Variants in GARRE1 observed in about 807,000 individuals in gnomAD.
GARRE1 encodes the protein granule associated Rac and RHOG effector protein 1.
Under a neutral mutation model 103.2 loss-of-function variants are expected in GARRE1, and 49 were observed. The observed-to-expected ratio is 0.47, with a 90% CI of 0.38 to 0.60. The LOEUF (loss-of-function observed/expected upper bound fraction) is 0.60. Ranked by LOEUF, GARRE1 falls within the 20% of genes least tolerant of loss-of-function variation. The pLI, the probability that GARRE1 is intolerant of heterozygous loss-of-function variation, is 0.00. For missense variants in GARRE1, 1,199 were observed against 1,370.5 expected, an observed-to-expected ratio of 0.87 and a Z score of 1.98; for synonymous variants, 505 against 532.8, an observed-to-expected ratio of 0.95 and a Z score of 0.72.
intron 1 of GARRE1, among the ~76,000 whole-genome samples, chr19:34,256,065 C>T (rs1362809680): frequency 6.6e-6 from 1 of 151,940 alleles, no homozygotes; most frequent in Non-Finnish European, 1.5e-5. Flanking sequence ...TCTCGAACTC[C>T]TGACCTCAGG....
At chr19:34,288,344 C>T (rs145395752) in intron 1 of GARRE1, among the ~76,000 whole-genome samples, 1,747 of 152,276 alleles carry the variant, frequency 0.011, 13 homozygotes, top group Non-Finnish European at 0.017. Flanking sequence ...GAAACTGTGA[C>T]TCTTCCCCCA....
chr19:34,255,590 A>G (rs2073666860), intron 1 of GARRE1, among the ~76,000 whole-genome samples: 1 of 152,006 alleles, frequency 6.6e-6, no homozygotes, highest in Non-Finnish European at 1.5e-5. Context: ...ACAGTATGTG[A>G]TTTAACCACC....
chr19:34,275,557 TA>T (rs1420275165), intron 1 of GARRE1, among the ~76,000 whole-genome samples: 2 of 152,242 alleles, frequency 1.3e-5, no homozygotes, highest in Non-Finnish European at 2.9e-5. Context: ...ATCAGTACTT[TA>T]TTCCTTTTCA....
In GARRE1 at chr19:34,352,926, C is replaced by T. The variant is rs530232322; in HGVS notation, c.3184C>T (p.Arg1062Cys). The change falls in exon 14 of 14, where the codon CGC (arginine) becomes TGC (cysteine). Residue 1062 changes from arginine (R) to cysteine (C), a missense_variant. Physicochemically the swap from Arg to Cys is radical, Grantham distance 180. Transcript: ENST00000299505. ...GFKAFPGKGERRPAYLPQY is the reference protein window; with the variant it reads ...GFKAFPGKGECRPAYLPQY Reference sequence around the variant, plus strand: ...CAAGGCCTTCCCTGGGAAGGGTGAGCGCAGGCCAGCCTATCTGCCCCAGTA... The same window carrying T: ...CAAGGCCTTCCCTGGGAAGGGTGAGTGCAGGCCAGCCTATCTGCCCCAGTA... 3.1e-5 allele frequency: 48 copies of T among 1,558,622 alleles called. No homozygotes were observed. The highest frequency in any genetic ancestry group is 2.1e-4 in the Middle Eastern group (1 of 4,678).
intron 1 of GARRE1, among the ~76,000 whole-genome samples, chr19:34,270,141 C>G (rs531834473): frequency 1.3e-5 from 2 of 152,294 alleles, no homozygotes; most frequent in South Asian, 2.1e-4. Flanking sequence ...CTATTTTTAC[C>G]GCAGTTGCAC....
rs75603161 is a variant in GARRE1, at chr19:34,273,440, A to G, written c.-796+18826A>G. 2.1e-4 allele frequency among the ~76,000 whole-genome samples: 32 copies of G among 152,306 alleles called. No homozygotes were observed. The East Asian group carries it at 6.2e-3, about 29-fold the overall frequency. ...AAGCAGAACCTTATTTCTAGCATCT[A>G]ACTACTGCCTCCGTGGTTGGCAAGG... On this transcript the variant is annotated intron_variant, in intron 1 of 13. Coordinates refer to ENST00000299505, the MANE Select transcript of GARRE1 (RefSeq NM_014686.5).
chr19:34,347,214 G>A (rs958622097), intron 10 of GARRE1, among the ~76,000 whole-genome samples: 3 of 151,792 alleles, frequency 2.0e-5, no homozygotes, highest in African/African-American at 4.8e-5. Context: ...TCAGCTTCCC[G>A]AGTAGCTGGG....
chr19:34,319,729 G>A (rs770168977), intron 2 of GARRE1, among the ~76,000 whole-genome samples, 178 bp from the exon 3 acceptor site: 3 of 152,108 alleles, frequency 2.0e-5, no homozygotes, highest in Non-Finnish European at 2.9e-5. Context: ...ATCAGTCACC[G>A]AGGTCCAAAC....
At position 34,292,721 on chromosome 19, in the gene GARRE1, T is replaced by C. The variant is rs1239348827; in HGVS notation, c.-795-6958T>C. On this transcript the variant is annotated intron_variant, in intron 1 of 13. Transcript: ENST00000299505. ...TCCTGAATAGTTGGGATTACAGGCA[T>C]GTGCCACCACACCCAGCTAAATTTT... Among the ~76,000 whole-genome samples the C allele has an allele frequency of 3.3e-5, 5 of 150,454 alleles. No individual in the cohort carries two copies. In the East Asian group the frequency reaches 9.7e-4, roughly 29 times the overall value.
At chr19:34,339,797 T>G in intron 8 of GARRE1, 70 bp from the exon 9 acceptor site, 2 of 1,598,886 alleles carry the variant, frequency 1.3e-6, no homozygotes, top group African/African-American at 2.7e-5. Flanking sequence ...TAGCCTTTTC[T>G]ATGAGACCTG....
intron 1 of GARRE1, among the ~76,000 whole-genome samples, chr19:34,297,676 A>G (rs574910522): frequency 6.6e-5 from 10 of 152,300 alleles, no homozygotes; most frequent in African/African-American, 9.6e-5. Context: ...ATTCCTGTAG[A>G]GTGCTTCTGT....
At position 34,268,540 on chromosome 19, in the gene GARRE1, C is replaced by T. The variant is rs540758760; in HGVS notation, c.-796+13926C>T. Among the ~76,000 whole-genome samples, 20 of 152,178 alleles carry T rather than the reference C, an allele frequency of 1.3e-4. No homozygotes were observed. In the South Asian group the frequency reaches 3.9e-3, roughly 30 times the overall value. On this transcript the variant is annotated intron_variant, in intron 1 of 13. Transcript: ENST00000299505. The stretch of plus-strand genomic sequence containing the variant: ...TTTTGACTTCATAAGAAGACTAAAA[C>T]AACAGTCTTAGAGTACAGTTAAGTC...
Position 34,351,498 on chromosome 19 carries a change from C to G in GARRE1, c.2826-16C>G. The G allele has an allele frequency of 4.4e-6, 7 of 1,608,748 alleles. No homozygotes were observed. The highest frequency in any genetic ancestry group is 6.0e-6 in the Non-Finnish European group (7 of 1,175,248). On this transcript the variant is annotated splice_polypyrimidine_tract_variant and intron_variant, in intron 12 of 13. Transcript: ENST00000299505. Reference sequence around the variant, plus strand: ...GAAGCCAAGCAATCACTGCCCTGAGCTCTTGGTTCTTGCAGGAAACACAGC... The same window carrying G: ...GAAGCCAAGCAATCACTGCCCTGAGGTCTTGGTTCTTGCAGGAAACACAGC...
Position 34,302,900 on chromosome 19 carries a change from A to T in GARRE1, c.495+1932A>T, listed in dbSNP as rs138979164. ...GCTGGGACTACAGGCTCACGCAGCC[A>T]TACCCAGCTAATTTTTTGTATTTTA... On this transcript the variant is annotated intron_variant, in intron 2 of 13. Coordinates refer to ENST00000299505, the MANE Select transcript of GARRE1 (RefSeq NM_014686.5). Among the ~76,000 whole-genome samples the T allele has an allele frequency of 1.1e-3, 164 of 152,100 alleles. 1 individual carries two copies. Among genetic ancestry groups the T allele is most frequent in the Non-Finnish European group, 2.0e-3 (135 of 67,982 alleles).
chr19:34,271,884 T>C (rs1490885972), intron 1 of GARRE1, among the ~76,000 whole-genome samples: 1 of 151,980 alleles, frequency 6.6e-6, no homozygotes, highest in Non-Finnish European at 1.5e-5. Flanking sequence ...TTTGGCAGGC[T>C]GGCTTCTTGT....
chr19:34,343,401 C>CG (rs1478928002), intron 10 of GARRE1, among the ~76,000 whole-genome samples: 3 of 152,074 alleles, frequency 2.0e-5, no homozygotes, highest in Non-Finnish European at 4.4e-5. Context: ...CATGCCACTA[C>CG]ACCCCAGCCT....
chr19:34,287,329 G>GT (rs1001545703), intron 1 of GARRE1, among the ~76,000 whole-genome samples: 4 of 151,872 alleles, frequency 2.6e-5, no homozygotes, highest in African/African-American at 9.7e-5. Context: ...TTTTTTTGTT[G>GT]TTGTTTGTTT....
At position 34,328,165 on chromosome 19, in the gene GARRE1, G is replaced by C; in HGVS notation, c.1104+14G>C. On this transcript the variant is annotated intron_variant, in intron 6 of 13. Coordinates refer to ENST00000299505, the MANE Select transcript of GARRE1 (RefSeq NM_014686.5). ...AAACTTAAGACGGTAGCTTTCCATGGGGTTCCAGCAAATGAGTGTGAACTT... is the reference window on the plus strand; with the variant it reads ...AAACTTAAGACGGTAGCTTTCCATGCGGTTCCAGCAAATGAGTGTGAACTT... 1.2e-6 allele frequency: 2 copies of C among 1,612,032 alleles called. No individual in the cohort carries two copies. The highest frequency in any genetic ancestry group is 1.1e-5 in the South Asian group (1 of 91,044).
At chr19:34,338,769 AG>A (rs1480932985) in intron 8 of GARRE1, among the ~76,000 whole-genome samples, 5 of 152,230 alleles carry the variant, frequency 3.3e-5, no homozygotes, top group African/African-American at 4.8e-5. Context: ...GGCTGTGGTG[AG>A]GGTTTAGATT....
Sources: gnomAD v4.1 joint callset for allele counts (sites outside exome capture counted in the v4.1 genomes callset) on GRCh38, gnomAD v4.1.1 for gene constraint, MANE v1.5 for transcripts, NCBI Gene and HGNC (gene_info 2026-07-23, HGNC 2026-07-21) for gene names.